The following CNTN5 variants were observed in gnomAD, a reference collection of about 807,000 sequenced individuals.
CNTN5 encodes contactin-5.
In CNTN5, 77 loss-of-function variants were observed where a neutral mutation model predicts 129.1. The ratio of observed to expected loss-of-function variants is 0.60; its 90% CI spans 0.50 to 0.72. The LOEUF is 0.72. CNTN5 is among the 30% of genes least tolerant of loss of function. The pLI, the probability that CNTN5 is intolerant of heterozygous loss-of-function variation, is 0.00. For missense variants in CNTN5, 1,478 were observed against 1,328.8 expected, an observed-to-expected ratio of 1.11 and a Z score of -1.75; for synonymous variants, 509 against 465.6, an observed-to-expected ratio of 1.09 and a Z score of -1.20.
intron 3 of CNTN5, among the ~76,000 whole-genome samples, chr11:99,773,320 A>T (rs1945007565): frequency 1.3e-5 from 2 of 152,138 alleles, no homozygotes; most frequent in Non-Finnish European, 2.9e-5. Flanking sequence ...ATATAGTTCT[A>T]AAAATTATTG....
chr11:99,737,153 A>T (rs955748126), intron 3 of CNTN5, among the ~76,000 whole-genome samples: 1 of 150,882 alleles, frequency 6.6e-6, no homozygotes, highest in African/African-American at 2.5e-5. Flanking sequence ...AAACACACAC[A>T]CACACACACG....
chr11:99,853,409 A>G (rs1041242232), intron 6 of CNTN5, among the ~76,000 whole-genome samples: 11 of 130,830 alleles, frequency 8.4e-5, no homozygotes. Context: ...GTATATATAT[A>G]TTTTTTTGAG....
At chr11:99,753,524 CCT>C (rs1417040697) in intron 3 of CNTN5, among the ~76,000 whole-genome samples, 2 of 151,180 alleles carry the variant, frequency 1.3e-5, no homozygotes, top group Non-Finnish European at 1.5e-5. Context: ...CATATTTCTC[CCT>C]GTCTCACATT....
At chr11:99,963,500 C>G (rs142670730) in intron 8 of CNTN5, among the ~76,000 whole-genome samples, 2,890 of 152,124 alleles carry the variant, frequency 0.019, 45 homozygotes, top group Middle Eastern at 0.034. Flanking sequence ...GGGCTCTGTT[C>G]TGTTCTGTTG....
chr11:99,052,349 T>A (rs1864461493), intron 1 of CNTN5, among the ~76,000 whole-genome samples: 1 of 151,860 alleles, frequency 6.6e-6, no homozygotes, highest in Admixed American at 6.6e-5. Flanking sequence ...TATATGGTCA[T>A]CCCATAAGAT....
intron 9 of CNTN5, among the ~76,000 whole-genome samples, chr11:100,044,880 C>T (rs974769476): frequency 2.6e-5 from 4 of 152,058 alleles, no homozygotes; most frequent in African/African-American, 9.7e-5. Context: ...AAAAGTTATA[C>T]TGAGGAGTTA....
chr11:100,319,090 G>C (rs1204186812), intron 21 of CNTN5, among the ~76,000 whole-genome samples: 1 of 151,190 alleles, frequency 6.6e-6, no homozygotes, highest in Non-Finnish European at 1.5e-5. Context: ...GTCTCCTATA[G>C]TCATTATCCT....
intron 1 of CNTN5, among the ~76,000 whole-genome samples, chr11:99,205,180 A>G (rs1451974158): frequency 7.0e-6 from 1 of 142,334 alleles, no homozygotes; most frequent in African/African-American, 2.6e-5. Context: ...AACAAACAAA[A>G]AAAACTCCAA....
chr11:99,631,462 CATT>C (rs756528005), intron 3 of CNTN5, among the ~76,000 whole-genome samples: 4 of 151,866 alleles, frequency 2.6e-5, no homozygotes, highest in African/African-American at 4.8e-5. Context: ...ATTATAAAAA[CATT>C]ATTGAAAATA....
At chr11:99,979,811 A>G (rs1368907342) in intron 8 of CNTN5, among the ~76,000 whole-genome samples, 1 of 152,212 alleles carries the variant, frequency 6.6e-6, no homozygotes, top group Non-Finnish European at 1.5e-5. Context: ...AATACATGGA[A>G]TACAATTCAT....
intron 1 of CNTN5, among the ~76,000 whole-genome samples, chr11:99,151,661 C>G (rs1315708667): frequency 1.3e-5 from 2 of 152,080 alleles, no homozygotes; most frequent in East Asian, 3.9e-4. Context: ...CCCAAATGCC[C>G]ATCAATGTTA....
rs143892975 is a variant in CNTN5 at position 99,132,563 on chromosome 11, A to T, written c.-210+111293A>T. Among the ~76,000 whole-genome samples, 1,287 of 152,304 alleles carry T rather than the reference A, an allele frequency of 8.5e-3. 22 individuals carry two copies. The highest frequency in any genetic ancestry group is 0.029 in the African/African-American group (1,196 of 41,570). On this transcript the variant is annotated intron_variant, in intron 1 of 24. Coordinates refer to ENST00000524871, the MANE Select transcript of CNTN5 (RefSeq NM_014361.4). ...TAAGCAACTTCAGTAAAGTCTCAGG[A>T]TACACAATCAATGTGCAGAAATCAC... is the stretch of plus-strand genomic sequence containing the variant.
intron 7 of CNTN5, among the ~76,000 whole-genome samples, chr11:99,936,322 T>C (rs1457247211): frequency 1.3e-5 from 2 of 152,248 alleles, no homozygotes; most frequent in African/African-American, 2.4e-5. Flanking sequence ...TTCTTTCTGT[T>C]GTTTGCGTTT....
intron 20 of CNTN5, among the ~76,000 whole-genome samples, chr11:100,299,885 T>A (rs774822917): frequency 6.6e-6 from 1 of 151,602 alleles, no homozygotes; most frequent in Admixed American, 6.6e-5. Context: ...AACACATCAT[T>A]AAATCCTATG....
chr11:99,612,387 C>A (rs971117951), intron 3 of CNTN5, among the ~76,000 whole-genome samples: 6 of 152,062 alleles, frequency 3.9e-5, no homozygotes, highest in Non-Finnish European at 8.8e-5. Context: ...TCCCTCTGAC[C>A]CCATCTTCCT....
chr11:99,042,533 A>G (rs11218165), intron 1 of CNTN5, among the ~76,000 whole-genome samples: 2,034 of 150,126 alleles, frequency 0.014, 49 homozygotes, highest in African/African-American at 0.047. Context: ...CCGCCACCAC[A>G]CCCGGCTAAT....
chr11:100,014,508 G>C (rs1940715586), intron 9 of CNTN5, among the ~76,000 whole-genome samples: 1 of 152,114 alleles, frequency 6.6e-6, no homozygotes, highest in Admixed American at 6.6e-5. Context: ...TTGAACCTGG[G>C]AGGCGGAGGT....
At chr11:99,554,847 T>G (rs911852021) in intron 2 of CNTN5, among the ~76,000 whole-genome samples, 4 of 152,078 alleles carry the variant, frequency 2.6e-5, no homozygotes, top group Admixed American at 1.3e-4. Flanking sequence ...CAAGATGCTT[T>G]AAATTGTCAC....
At chr11:99,627,278 C>T (rs1690813) in intron 3 of CNTN5, among the ~76,000 whole-genome samples, 92,465 of 151,418 alleles carry the variant, frequency 0.61, 29,079 homozygotes, top group Admixed American at 0.74. Context: ...TCTGTTTCTC[C>T]ATATTGAACA....
Sources: allele counts gnomAD v4.1 joint callset (sites outside exome capture counted in the v4.1 genomes callset), GRCh38; gene constraint gnomAD v4.1.1; transcripts MANE v1.5; gene names NCBI Gene and HGNC (gene_info 2026-07-23, HGNC 2026-07-21).